ZNF157: variants seen among roughly 807,000 people sequenced by gnomAD.
ZNF157 encodes the protein zinc finger protein 157.
Under a neutral mutation model 9.4 loss-of-function variants are expected in ZNF157, and 8 were observed. The observed-to-expected ratio is 0.85, with a 90% CI of 0.50 to 1.53. ZNF157 has a LOEUF of 1.53. ZNF157 is among the 40% of genes most tolerant of loss of function. ZNF157 has a pLI of 0.00. For synonymous variants in ZNF157, 120 were observed against 130.8 expected (o/e 0.92, Z 0.56); for missense variants, 316 against 385.2 (o/e 0.82, Z 1.50).
intron 2 of ZNF157, 25 bp from the exon 3 acceptor site, chrX:47,410,655 G>A (rs752759989): frequency 5.8e-5 from 69 of 1,181,980 alleles, no homozygotes; most frequent in Non-Finnish European, 7.3e-5. Flanking sequence ...CTTGGCCCAC[G>A]TCCTGTGCCA....
chrX:47,383,922 G>A (rs900594218), intron 1 of ZNF157, among the ~76,000 whole-genome samples: 2 of 109,946 alleles, frequency 1.8e-5, no homozygotes, highest in Non-Finnish European at 3.8e-5. Flanking sequence ...ATATAGAAAT[G>A]TAACAGTTGA....
intron 1 of ZNF157, among the ~76,000 whole-genome samples, chrX:47,383,371 C>CAAAAAAA (rs35133137): frequency 1.1e-4 from 2 of 18,824 alleles, no homozygotes; most frequent in Non-Finnish European, 3.0e-4. Context: ...GACTCAGTCT[C>CAAAAAAA]AAAAAAAAAA....
intron 1 of ZNF157, among the ~76,000 whole-genome samples, chrX:47,398,493 A>G (rs1465728346): frequency 9.2e-6 from 1 of 108,259 alleles, no homozygotes; most frequent in Non-Finnish European, 1.9e-5. Context: ...TTCTTTTTTT[A>G]TTTCTTTTTC....
intron 1 of ZNF157, among the ~76,000 whole-genome samples, chrX:47,381,229 GA>G (rs2055862610): frequency 9.1e-6 from 1 of 109,945 alleles, no homozygotes; most frequent in African/African-American, 3.3e-5. Flanking sequence ...GCAGGAGGAA[GA>G]GGAGCAGGAG....
chrX:47,396,109 A>G (rs1442594824), intron 1 of ZNF157, among the ~76,000 whole-genome samples: 1 of 111,196 alleles, frequency 9.0e-6, no homozygotes, highest in Non-Finnish European at 1.9e-5. Flanking sequence ...TAATAAAATA[A>G]GGAAGAAATA....
chrX:47,376,443 C>T (rs1689813735), intron 1 of ZNF157, among the ~76,000 whole-genome samples: 1 of 111,156 alleles, frequency 9.0e-6, no homozygotes, highest in Non-Finnish European at 1.9e-5. Context: ...GGTGAAATCC[C>T]GTCTCTACTA....
chrX:47,413,790 T>C lies in ZNF157; in HGVS notation c.*196T>C, dbSNP rs749105956. ...CTTATCTGTTGATTGGCTATTTGGG[T>C]TTTTTCTTCTGTGCATTGACTGTTC... On this transcript the variant is annotated 3_prime_UTR_variant, in exon 4 of 4. Transcript: ENST00000377073. 2 of 614,720 alleles carry C rather than the reference T, an allele frequency of 3.3e-6. No homozygotes were observed. Among genetic ancestry groups the C allele is most frequent in the South Asian group, 1.2e-4 (2 of 17,350 alleles). The allele number at this position is 614,720 out of a possible 1,213,427, so 50.7% of individuals were successfully genotyped here. A position where few individuals can be genotyped will look rare whatever the true frequency, so the allele number is the denominator to read the frequency against.
intron 1 of ZNF157, among the ~76,000 whole-genome samples, chrX:47,380,023 C>T (rs1188748511): frequency 9.1e-6 from 1 of 110,356 alleles, no homozygotes; most frequent in African/African-American, 3.3e-5. Flanking sequence ...TTTTGCCTTT[C>T]CATATAAACT....
intron 1 of ZNF157, among the ~76,000 whole-genome samples, chrX:47,405,158 C>T (rs990611905): frequency 9.0e-6 from 1 of 111,026 alleles, no homozygotes; most frequent in African/African-American, 3.3e-5. Context: ...GAAGCTGAGG[C>T]GGGTAGATCA....
Position 47,410,675 on chromosome X carries a change from A to G in ZNF157, c.200-5A>G, listed in dbSNP as rs754081161. On this transcript the variant is annotated splice_polypyrimidine_tract_variant and splice_region_variant and intron_variant, in intron 2 of 3. Transcript: ENST00000377073. ...CCCACGTCCTGTGCCATTTCCCATTAACAGGCCTCTGCGTGGCCAAACCAG... is the reference window on the plus strand; with the variant it reads ...CCCACGTCCTGTGCCATTTCCCATTGACAGGCCTCTGCGTGGCCAAACCAG... The G allele has an allele frequency of 3.3e-6, 4 of 1,198,600 alleles. No homozygotes were observed. Among genetic ancestry groups the G allele is most frequent in the Non-Finnish European group, 3.4e-6 (3 of 889,121 alleles).
chrX:47,388,942 C>G (rs1166289786), intron 1 of ZNF157, among the ~76,000 whole-genome samples: 2 of 110,505 alleles, frequency 1.8e-5, no homozygotes, highest in Non-Finnish European at 3.8e-5. Flanking sequence ...ATTCTCTTGC[C>G]TCAGCCTCTC....
At chrX:47,383,698 A>G (rs2055871466) in intron 1 of ZNF157, among the ~76,000 whole-genome samples, 1 of 105,853 alleles carries the variant, frequency 9.4e-6, no homozygotes, top group Admixed American at 1.1e-4. Flanking sequence ...AAAAAAAAAA[A>G]AAAAAAAAAG....
chrX:47,371,273 G>T (rs1025765440), intron 1 of ZNF157, among the ~76,000 whole-genome samples: 6 of 109,073 alleles, frequency 5.5e-5, no homozygotes, highest in African/African-American at 2.0e-4. Context: ...GGAGGCGGAG[G>T]TTGCAGTAAG....
intron 1 of ZNF157, among the ~76,000 whole-genome samples, chrX:47,374,702 C>CTTTTTTTTTTT (rs869212909): frequency 1.8e-5 from 1 of 56,677 alleles, no homozygotes; most frequent in Non-Finnish European, 3.0e-5. Context: ...GCCCAGCAAT[C>CTTTTTTTTTTT]TTTTTTTTTT....
intron 1 of ZNF157, among the ~76,000 whole-genome samples, chrX:47,373,767 G>C (rs1448907273): frequency 9.5e-6 from 1 of 105,024 alleles, no homozygotes; most frequent in Non-Finnish European, 1.9e-5. Context: ...TGCAGTGACA[G>C]CTTGCTTACT....
chrX:47,371,301 C>T (rs192474968), intron 1 of ZNF157, among the ~76,000 whole-genome samples: 1 of 108,103 alleles, frequency 9.3e-6, no homozygotes, highest in African/African-American at 3.4e-5. Flanking sequence ...CGTGCCACTG[C>T]ACTCTGCCTG....
intron 1 of ZNF157, among the ~76,000 whole-genome samples, chrX:47,405,261 C>T (rs1427284510): frequency 1.8e-5 from 2 of 110,725 alleles, no homozygotes; most frequent in Non-Finnish European, 3.8e-5. Context: ...TGATGGCATG[C>T]GCCTGTAATC....
chrX:47,405,303 C>T (rs1181337540), intron 1 of ZNF157, among the ~76,000 whole-genome samples: 3 of 110,381 alleles, frequency 2.7e-5, no homozygotes, highest in Admixed American at 9.7e-5. Flanking sequence ...GCAGGAGAAT[C>T]GCTTGAACCT....
chrX:47,377,428 C>T (rs2055847993), intron 1 of ZNF157, among the ~76,000 whole-genome samples: 1 of 110,271 alleles, frequency 9.1e-6, no homozygotes, highest in Non-Finnish European at 1.9e-5. Context: ...GCAGTTACAC[C>T]AGCATTTGGT....
Sources: gnomAD v4.1 joint callset for allele counts (sites outside exome capture counted in the v4.1 genomes callset) on GRCh38, gnomAD v4.1.1 for gene constraint, MANE v1.5 for transcripts, NCBI Gene and HGNC (gene_info 2026-07-23, HGNC 2026-07-21) for gene names.